ZFYVE26: variants seen among roughly 807,000 people sequenced by gnomAD.
ZFYVE26 encodes zinc finger FYVE-type containing 26, also known as zinc finger FYVE domain-containing protein 26.
A neutral mutation model predicts 276.5 loss-of-function variants in ZFYVE26; 181 were observed. That is an observed-to-expected ratio of 0.65 (90% CI 0.58 to 0.74). The LOEUF is 0.74. Among genes scored for constraint, ZFYVE26 ranks in the 30% least tolerant of loss-of-function variants. ZFYVE26 has a pLI of 0.00. For synonymous variants in ZFYVE26, 1,129 were observed against 1,203.1 expected, an observed-to-expected ratio of 0.94 and a Z score of 1.27; for missense variants, 2,821 against 3,097.9, an observed-to-expected ratio of 0.91 and a Z score of 2.12.
chr14:67,815,832 C>T lies in ZFYVE26; in HGVS notation c.132G>A (p.Gly44=). 3.7e-6 allele frequency: 6 copies of T among 1,614,098 alleles called. No homozygotes were observed. Among genetic ancestry groups the T allele is most frequent in the Non-Finnish European group, 5.1e-6 (6 of 1,180,052 alleles). Residue 44 remains glycine, a synonymous_variant, in exon 2 of 42, where the codon GGG becomes GGA. Transcript: ENST00000347230. The part of the protein sequence containing the change: ...ACVPQLQEGQ[G]DIPKRVEDIL... ...TGTCTTCTACCCTCTTTGGGATATC[C>T]CCTTGTCCCTCCTGTAGCTGAGGTA...
In ZFYVE26 at chr14:67,784,362, G is replaced by A. The variant is rs201731193; in HGVS notation, c.3598C>T (p.Leu1200=). The part of the protein sequence containing the change: ...QSSSQLVSHL[L]FERQVPPERL... ...TCTGGGGGAACTTGTCTCTCAAACAGGAGATGTGACACCAGTTGGGAAGAG... is the reference window on the plus strand; with the variant it reads ...TCTGGGGGAACTTGTCTCTCAAACAAGAGATGTGACACCAGTTGGGAAGAG... Residue 1200 remains leucine, a synonymous_variant, in exon 20 of 42, where the codon CTG becomes TTG. Transcript: ENST00000347230. 199 of 1,614,126 alleles carry A rather than the reference G, an allele frequency of 1.2e-4. 2 individuals carry two copies. In the Admixed American group the frequency reaches 3.3e-3, roughly 27 times the overall value.
At chr14:67,742,835 C>CTTTTT (rs1566856384), downstream of ZFYVE26, among the ~76,000 whole-genome samples, 1 of 17,734 alleles carries the variant, frequency 5.6e-5, no homozygotes, top group Non-Finnish European at 1.6e-4. Flanking sequence ...CTTTCTTCTT[C>CTTTTT]TTCTTTTTTT....
intron 27 of ZFYVE26, among the ~76,000 whole-genome samples, chr14:67,772,790 A>G (rs906620822): frequency 2.0e-5 from 3 of 152,060 alleles, no homozygotes; most frequent in African/African-American, 7.2e-5. Flanking sequence ...CTCCATCTAT[A>G]CAAAAGAAAA....
Position 67,785,397 on chromosome 14 carries a change from C to A in ZFYVE26, c.3305-120G>T, listed in dbSNP as rs1322355012. The A allele has an allele frequency of 5.7e-6, 5 of 880,018 alleles. No individual in the cohort carries two copies. In the East Asian group the frequency reaches 1.1e-4, roughly 19 times the overall value. The allele number at this position is 880,018 out of a possible 1,614,324, so 54.5% of individuals were successfully genotyped here. A position where few individuals can be genotyped will look rare whatever the true frequency, so the allele number is the denominator to read the frequency against. ...ATACACTGCCTGGGGCATCTGATGGCCTGGACACTACACTTACAAGGCAAA... is the reference window on the plus strand; with the variant it reads ...ATACACTGCCTGGGGCATCTGATGGACTGGACACTACACTTACAAGGCAAA... On this transcript the variant is annotated intron_variant, in intron 18 of 41. Transcript: ENST00000347230.
chr14:67,761,337 T>G (rs1364808681), intron 35 of ZFYVE26, 29 bp downstream of exon 35: 1 of 1,597,010 alleles, frequency 6.3e-7, no homozygotes, highest in South Asian at 1.1e-5. Context: ...AGGCAGGCAC[T>G]GCCTTTTTGA....
chr14:67,777,626 G>T lies in ZFYVE26; in HGVS notation c.4907C>A (p.Thr1636Asn), dbSNP rs1158056202. Residue 1636 changes from threonine (T) to asparagine (N), a missense_variant, in exon 25 of 42, where the codon ACC becomes AAC. Physicochemically the swap from Thr to Asn is moderately conservative, Grantham distance 65 (BLOSUM62 0). Coordinates refer to ENST00000347230, the MANE Select transcript of ZFYVE26 (RefSeq NM_015346.4). ...AGCAGTCAGTTGTCCATAGAAGTGG[G>T]TGGTGAGGTAGTTGGCCAAGAAGTG... is the stretch of plus-strand genomic sequence containing the variant. ...TSHFLANYLTTHFYGQLTAVR... is the reference protein window; with the variant it reads ...TSHFLANYLTNHFYGQLTAVR... 1 of 1,614,146 alleles carries T rather than the reference G, an allele frequency of 6.2e-7. No homozygotes were observed. Among genetic ancestry groups the T allele is most frequent in the Non-Finnish European group, 8.5e-7 (1 of 1,180,040 alleles).
At position 67,763,552 on chromosome 14, in the gene ZFYVE26, A is replaced by G. The variant is rs1173671841; in HGVS notation, c.6012-733T>C. ...TGTACAGGTTTGTAGCCTAGGAACA[A>G]TAGATCATAACCTAGGTGGGTAGAA... On this transcript the variant is annotated intron_variant, in intron 32 of 41. Transcript: ENST00000347230. Among the ~76,000 whole-genome samples the G allele has an allele frequency of 1.1e-4, 17 of 152,378 alleles. 1 individual carries two copies. In the South Asian group the frequency reaches 2.5e-3, roughly 22 times the overall value.
intron 13 of ZFYVE26, 136 bp downstream of exon 13, chr14:67,794,035 C>A (rs1056464966): frequency 2.0e-6 from 2 of 1,014,726 alleles, no homozygotes; most frequent in African/African-American, 3.2e-5. Flanking sequence ...TTCCCTTCTC[C>A]CAGCTAAAAT....
At chr14:67,783,975 G>C (rs2039581179) in intron 20 of ZFYVE26, among the ~76,000 whole-genome samples, 2 of 152,170 alleles carry the variant, frequency 1.3e-5, no homozygotes, top group Admixed American at 1.3e-4. Context: ...AATAAATATT[G>C]ACAAACTGCC....
chr14:67,799,105 A>G, intron 10 of ZFYVE26: 2 of 1,297,762 alleles, frequency 1.5e-6, no homozygotes, highest in South Asian at 1.2e-5. Context: ...TGCTCACCCA[A>G]GACCTAGACT....
rs778810091 is a variant in ZFYVE26 at position 67,797,631 on chromosome 14, C to T, written c.2332+41G>A. 10 of 1,598,224 alleles carry T rather than the reference C, an allele frequency of 6.3e-6. No individual in the cohort carries two copies. The Admixed American group carries it at 1.0e-4, about 16-fold the overall frequency. The stretch of plus-strand genomic sequence containing the variant: ...AAAGAGTATTAGACAAGCAGCATTA[C>T]ACCACTTGCCTAGTGCATGGGAATG... On this transcript the variant is annotated intron_variant, in intron 12 of 41. Coordinates refer to ENST00000347230, the MANE Select transcript of ZFYVE26 (RefSeq NM_015346.4).
intron 12 of ZFYVE26, 129 bp downstream of exon 12, chr14:67,797,531 AAGGGTTACCTTG>A: frequency 1.1e-6 from 1 of 921,916 alleles, no homozygotes; most frequent in East Asian, 2.6e-5. Context: ...AACTATTAAC[AAGGGTTACCTTG>A]AGGGAGTGGG....
chr14:67,752,670 C>G, intron 39 of ZFYVE26, 144 bp from the exon 40 acceptor site: 1 of 936,714 alleles, frequency 1.1e-6, no homozygotes, highest in Non-Finnish European at 1.7e-6. Flanking sequence ...ATATACCAAA[C>G]AAAAAGCAAG....
At chr14:67,769,791 T>C (rs2039158858) in intron 28 of ZFYVE26, 61 bp from the exon 29 acceptor site, 5 of 1,609,934 alleles carry the variant, frequency 3.1e-6, no homozygotes, top group Admixed American at 3.3e-5. Context: ...TTGCCATCAA[T>C]CCATTTATAC....
intron 14 of ZFYVE26, 43 bp from the exon 15 acceptor site, chr14:67,790,816 G>C: frequency 6.4e-7 from 1 of 1,551,696 alleles, no homozygotes; most frequent in Non-Finnish European, 8.9e-7. Flanking sequence ...TGGTCCCACT[G>C]ATTTAGGGAA....
At chr14:67,801,144 A>G (rs1950817822) in intron 10 of ZFYVE26, among the ~76,000 whole-genome samples, 1 of 151,888 alleles carries the variant, frequency 6.6e-6, no homozygotes, top group African/African-American at 2.4e-5. Context: ...CCAGCTACTC[A>G]GGTGGCTGAG....
At chr14:67,787,927 G>T (rs758231185) in intron 16 of ZFYVE26, among the ~76,000 whole-genome samples, 2 of 152,206 alleles carry the variant, frequency 1.3e-5, no homozygotes, top group Non-Finnish European at 2.9e-5. Context: ...GACTTGACTG[G>T]TAAGAAGTTT....
intron 10 of ZFYVE26, chr14:67,798,968 G>A (rs570517521): frequency 1.8e-6 from 2 of 1,125,666 alleles, no homozygotes; most frequent in African/African-American, 3.0e-5. Context: ...GTTTCGGTGG[G>A]AGGGGCGGGG....
chr14:67,800,725 T>C (rs1165707667), intron 10 of ZFYVE26, among the ~76,000 whole-genome samples: 2 of 152,178 alleles, frequency 1.3e-5, no homozygotes, highest in African/African-American at 4.8e-5. Context: ...AATCTTTGAT[T>C]TGTAGACTAT....
Sources: allele counts gnomAD v4.1 joint callset (sites outside exome capture counted in the v4.1 genomes callset), GRCh38; gene constraint gnomAD v4.1.1; transcripts MANE v1.5; gene names NCBI Gene and HGNC (gene_info 2026-07-23, HGNC 2026-07-21).